The following COX6A1 variants were observed in gnomAD, a reference collection of about 807,000 sequenced individuals.
COX6A1 encodes the protein cytochrome c oxidase subunit 6A1, mitochondrial.
A neutral mutation model predicts 11.3 loss-of-function variants in COX6A1; 10 were observed. The observed-to-expected ratio is 0.88, with a 90% confidence interval of 0.54 to 1.50. The LOEUF is 1.50. COX6A1 is among the 40% of genes most tolerant of loss of function. COX6A1 has a pLI of 0.00. For missense variants in COX6A1, 149 were observed against 147.6 expected (o/e 1.01, Z -0.05); for synonymous variants, 81 against 60.6 (o/e 1.34, Z -1.57).
In COX6A1 at chr12:120,440,590, C is replaced by T. The variant is rs571988378; in HGVS notation, c.*53C>T. ...CAGGGACCACAGCACTGGTTTGGAC[C>T]GTTACTCTGCACATGGACCAGAAAA... On this transcript the variant is annotated 3_prime_UTR_variant, in exon 3 of 3. Coordinates refer to ENST00000229379, the MANE Select transcript of COX6A1 (RefSeq NM_004373.4). 2.9e-5 allele frequency: 40 copies of T among 1,372,688 alleles called. No individual in the cohort carries two copies. In the South Asian group the frequency reaches 3.2e-4, roughly 11 times the overall value. 85.0% of individuals were successfully genotyped at this position (1,372,688 alleles called of 1,614,324 possible).
chr12:120,440,660 A>G lies in COX6A1; in HGVS notation c.*123A>G. The G allele has an allele frequency of 1.5e-6, 1 of 665,748 alleles. No individual in the cohort carries two copies. The highest frequency in any genetic ancestry group is 1.8e-5 in the South Asian group (1 of 54,272). 41.2% of individuals were successfully genotyped at this position (665,748 alleles called of 1,614,324 possible). Reference sequence around the variant, plus strand: ...TCACCTTCTTTACTTGTATCAAATGATGACTGGTATACTGGTCTCCCATCC... The same window carrying G: ...TCACCTTCTTTACTTGTATCAAATGGTGACTGGTATACTGGTCTCCCATCC... On this transcript the variant is annotated 3_prime_UTR_variant, in exon 3 of 3. Coordinates refer to ENST00000229379, the MANE Select transcript of COX6A1 (RefSeq NM_004373.4).
rs745397763 is a variant in COX6A1, at chr12:120,438,187, G to C, written c.61G>C (p.Gly21Arg). ...RLLGRSRPQL[G>R]RPMSSGAHGE... ...GCTGGGTCGGTCCCGCCCACAGCTG[G>C]GGCGGCCTATGTCGAGTGGCGCCCA... The change falls in exon 1 of 3, where the codon GGG becomes CGG. Residue 21 changes from glycine to arginine, a missense_variant. Coordinates refer to ENST00000229379, the MANE Select transcript of COX6A1 (RefSeq NM_004373.4). 1 of 1,613,978 alleles carries C rather than the reference G, an allele frequency of 6.2e-7. No individual in the cohort carries two copies. Among genetic ancestry groups the C allele is most frequent in the South Asian group, 1.1e-5 (1 of 91,062 alleles).
intron 2 of COX6A1, 31 bp from the exon 3 acceptor site, chr12:120,440,423 G>A (rs112344724): frequency 6.5e-7 from 1 of 1,541,196 alleles, no homozygotes; most frequent in Non-Finnish European, 9.0e-7. Context: ...TTATTTTCTG[G>A]AATTATCTAA....
At chr12:120,438,325 G>T in intron 1 of COX6A1, 54 bp from the exon 2 acceptor site, 1 of 1,613,918 alleles carries the variant, frequency 6.2e-7, no homozygotes, top group Non-Finnish European at 8.5e-7. Context: ...GGGAGGGAAA[G>T]TGAGACCCGG....
chr12:120,439,891 GC>G (rs1204844766), intron 2 of COX6A1: 1 of 68,592 alleles, frequency 1.5e-5, no homozygotes, highest in Non-Finnish European at 3.1e-5. Flanking sequence ...CCCCTCCCCC[GC>G]CCCCATCACA....
chr12:120,439,265 G>C (rs369854320), intron 2 of COX6A1, among the ~76,000 whole-genome samples: 1 of 152,160 alleles, frequency 6.6e-6, no homozygotes, highest in Non-Finnish European at 1.5e-5. Flanking sequence ...GGTGGCTCAC[G>C]CCTGTAATCC....
At chr12:120,440,294 G>C (rs571989887) in intron 2 of COX6A1, 160 bp from the exon 3 acceptor site, 2 of 564,880 alleles carry the variant, frequency 3.5e-6, no homozygotes, top group South Asian at 4.5e-5. Flanking sequence ...AGTTATAAGA[G>C]CTCCTTAAAT....
chr12:120,438,673 TGGAC>T (rs1290651092), intron 2 of COX6A1, 152 bp downstream of exon 2: 11 of 1,042,062 alleles, frequency 1.1e-5, no homozygotes, highest in African/African-American at 1.6e-5. Flanking sequence ...ATTTTGTGGA[TGGAC>T]AGCTGACACT....
In COX6A1 at chr12:120,438,513, A is replaced by G. The variant is rs1877630077; in HGVS notation, c.238A>G (p.Arg80Gly). ...EFIAYPHLRIRTKPFPWGDGN... is the reference protein window; with the variant it reads ...EFIAYPHLRIGTKPFPWGDGN... ...CATCGCCTACCCCCATCTCCGCATC[A>G]GGACCAAGGTACGCCCTTGTACATC... is the stretch of plus-strand genomic sequence containing the variant. The change falls in exon 2 of 3, where the codon AGG becomes GGG. Residue 80 changes from arginine to glycine, a missense_variant. Coordinates refer to ENST00000229379, the MANE Select transcript of COX6A1 (RefSeq NM_004373.4). The G allele has an allele frequency of 6.2e-7, 1 of 1,614,220 alleles. No homozygotes were observed. The highest frequency in any genetic ancestry group is 8.5e-7 in the Non-Finnish European group (1 of 1,180,038).
chr12:120,439,797 T>C (rs1055594192), intron 2 of COX6A1, among the ~76,000 whole-genome samples: 1 of 152,108 alleles, frequency 6.6e-6, no homozygotes. Context: ...GGGGGCTATC[T>C]TGTGCATTGT....
chr12:120,439,105 A>T (rs1877652153), intron 2 of COX6A1, among the ~76,000 whole-genome samples: 2 of 152,188 alleles, frequency 1.3e-5, no homozygotes, highest in South Asian at 4.1e-4. Context: ...TAATGAAGAG[A>T]CTGACAGCTT....
chr12:120,440,620 T>C lies in COX6A1; in HGVS notation c.*83T>C. The C allele has an allele frequency of 2.1e-6, 2 of 965,176 alleles. No homozygotes were observed. The highest frequency in any genetic ancestry group is 2.7e-5 in the South Asian group (2 of 73,370). 59.8% of individuals were successfully genotyped at this position (965,176 alleles called of 1,614,324 possible). Reference sequence around the variant, plus strand: ...CTCTGCACATGGACCAGAAAAAGTATATGGGACCTTAAGCTCACCTTCTTT... The same window carrying C: ...CTCTGCACATGGACCAGAAAAAGTACATGGGACCTTAAGCTCACCTTCTTT... On this transcript the variant is annotated 3_prime_UTR_variant, in exon 3 of 3. Coordinates refer to ENST00000229379, the MANE Select transcript of COX6A1 (RefSeq NM_004373.4).
At position 120,438,113 on chromosome 12, in the gene COX6A1, A is replaced by C. The variant is rs751278378; in HGVS notation, c.-14A>C. The C allele has an allele frequency of 8.1e-6, 13 of 1,612,306 alleles. No individual in the cohort carries two copies. The South Asian group carries it at 1.1e-4, about 14-fold the overall frequency. On this transcript the variant is annotated 5_prime_UTR_variant, in exon 1 of 3. Transcript: ENST00000229379. ...CCACTTCCGCTTCCGGCGCTGCGGCAGTCCAGATCAAAAATGGCGGTAGTT... is the reference window on the plus strand; with the variant it reads ...CCACTTCCGCTTCCGGCGCTGCGGCCGTCCAGATCAAAAATGGCGGTAGTT...
Position 120,440,480 on chromosome 12 carries a change from T to C in COX6A1, c.273T>C (p.His91=). The C allele has an allele frequency of 1.2e-6, 2 of 1,613,116 alleles. No individual in the cohort carries two copies. The highest frequency in any genetic ancestry group is 2.2e-5 in the South Asian group (2 of 91,046). The change falls in exon 3 of 3, where the codon CAT becomes CAC. Residue 91 remains histidine (H), a synonymous_variant. Transcript: ENST00000229379. The stretch of plus-strand genomic sequence containing the variant: ...CGTTTCCCTGGGGAGATGGTAACCA[T>C]ACTCTATTCCATAACCCTCATGTGA... ...TKPFPWGDGN[H]TLFHNPHVNP...
Position 120,440,481 on chromosome 12 carries a change from A to G in COX6A1, c.274A>G (p.Thr92Ala). 1 of 1,613,336 alleles carries G rather than the reference A, an allele frequency of 6.2e-7. No individual in the cohort carries two copies. ...GTTTCCCTGGGGAGATGGTAACCAT[A>G]CTCTATTCCATAACCCTCATGTGAA... Reference protein sequence around the residue: ...KPFPWGDGNHTLFHNPHVNPL... With the variant: ...KPFPWGDGNHALFHNPHVNPL... The change falls in exon 3 of 3, where the codon ACT becomes GCT. Residue 92 changes from threonine (T) to alanine (A), a missense_variant. Coordinates refer to ENST00000229379, the MANE Select transcript of COX6A1 (RefSeq NM_004373.4).
At chr12:120,438,758 T>TCATCCTAC (rs2137031083) in intron 2 of COX6A1, 1 of 500,878 alleles carries the variant, frequency 2.0e-6, no homozygotes, top group Non-Finnish European at 3.5e-6. Flanking sequence ...TTTCTCCGAT[T>TCATCCTAC]CATCCTACCT....
Position 120,440,486 on chromosome 12 carries a change from A to G in COX6A1, c.279A>G (p.Leu93=), listed in dbSNP as rs142268151. The G allele has an allele frequency of 3.1e-6, 5 of 1,613,462 alleles. No homozygotes were observed. Among genetic ancestry groups the G allele is most frequent in the Non-Finnish European group, 4.2e-6 (5 of 1,179,408 alleles). Residue 93 remains leucine, a synonymous_variant, in exon 3 of 3, where the codon CTA becomes CTG. Transcript: ENST00000229379. The part of the protein sequence containing the change: ...PFPWGDGNHT[L]FHNPHVNPLP... ...CCTGGGGAGATGGTAACCATACTCTATTCCATAACCCTCATGTGAATCCAC... is the reference window on the plus strand; with the variant it reads ...CCTGGGGAGATGGTAACCATACTCTGTTCCATAACCCTCATGTGAATCCAC...
chr12:120,438,604 A>G (rs1005903023), intron 2 of COX6A1, 83 bp downstream of exon 2: 3 of 1,588,570 alleles, frequency 1.9e-6, no homozygotes, highest in South Asian at 2.2e-5. Context: ...CTCTGAAGGC[A>G]TGGGTGCCAG....
intron 2 of COX6A1, among the ~76,000 whole-genome samples, chr12:120,439,169 G>A (rs1877653373): frequency 6.6e-6 from 1 of 152,210 alleles, no homozygotes; most frequent in South Asian, 2.1e-4. Context: ...GGTTGTTGAT[G>A]TAGATATATT....
Sources: gnomAD v4.1 joint callset for allele counts (sites outside exome capture counted in the v4.1 genomes callset) on GRCh38, gnomAD v4.1.1 for gene constraint, MANE v1.5 for transcripts, NCBI Gene and HGNC (gene_info 2026-07-23, HGNC 2026-07-21) for gene names.